TKFC: variants seen among roughly 807,000 people sequenced by gnomAD.
The protein encoded by TKFC is triokinase/FMN cyclase.
In TKFC, 46 loss-of-function variants were observed where a neutral mutation model predicts 61.0. That is an observed-to-expected ratio of 0.75 (90% CI 0.60 to 0.96). The LOEUF (loss-of-function observed/expected upper bound fraction) is 0.96. Among genes scored for constraint, TKFC ranks in the 50% least tolerant of loss-of-function variants. The pLI is 0.00. For synonymous variants in TKFC, 314 were observed against 330.1 expected (o/e 0.95, Z 0.53); for missense variants, 715 against 777.5 (o/e 0.92, Z 0.96).
chr11:61,351,925 G>A (rs1162881077), downstream of TKFC: 3 of 152,072 alleles, frequency 2.0e-5, no homozygotes, highest in Non-Finnish European at 2.9e-5. Context: ...TGGCTGGGGG[G>A]ATAAAAGGAG....
chr11:61,338,209 G>A (rs1249640873), intron 3 of TKFC, 79 bp downstream of exon 3: 8 of 1,358,454 alleles, frequency 5.9e-6, no homozygotes, highest in African/African-American at 4.4e-5. Flanking sequence ...CTGCCATGAA[G>A]TGCAGGATGG....
Position 61,339,235 on chromosome 11 carries a change from C to T in TKFC, c.305-19C>T, listed in dbSNP as rs1856748163. 6.2e-7 allele frequency: 1 copy of T among 1,611,960 alleles called. No homozygotes were observed. The highest frequency in any genetic ancestry group is 1.3e-5 in the African/African-American group (1 of 75,040). On this transcript the variant is annotated intron_variant, in intron 4 of 17. Transcript: ENST00000394900. ...GAGGGCACAGTAAGCACACTGAGCC[C>T]TTCCGGCTGCTCCCGCAGTGGGGAC... is the stretch of plus-strand genomic sequence containing the variant.
chr11:61,344,462 CA>C (rs1857021962), intron 13 of TKFC, among the ~76,000 whole-genome samples, 189 bp downstream of exon 13: 1 of 149,336 alleles, frequency 6.7e-6, no homozygotes, highest in Non-Finnish European at 1.5e-5. Flanking sequence ...CCCCCGGGTT[CA>C]AGTGATTTTC....
rs12293590 is a variant in TKFC at position 61,345,997 on chromosome 11, G to C, written c.1575+51G>C. On this transcript the variant is annotated intron_variant, in intron 17 of 17. Coordinates refer to ENST00000394900, the MANE Select transcript of TKFC (RefSeq NM_015533.4). ...TGGGGAGACAGGCTTCTAGCCAGCAGACTCCTGTCTCCATGTGACCCTGAG... is the reference window on the plus strand; with the variant it reads ...TGGGGAGACAGGCTTCTAGCCAGCACACTCCTGTCTCCATGTGACCCTGAG... The C allele has an allele frequency of 4.6e-3, 7,263 of 1,576,306 alleles. 323 individuals are homozygous for C. In the African/African-American group the frequency reaches 0.088, roughly 19 times the overall value.
Position 61,346,760 on chromosome 11 carries a change from C to G in TKFC, c.*257C>G, listed in dbSNP as rs1857148478. 8.0e-7 allele frequency: 1 copy of G among 1,244,042 alleles called. No homozygotes were observed. The highest frequency in any genetic ancestry group is 1.0e-6 in the Non-Finnish European group (1 of 991,788). 77.1% of individuals were successfully genotyped at this position (1,244,042 alleles called of 1,614,324 possible). On this transcript the variant is annotated 3_prime_UTR_variant, in exon 18 of 18. Transcript: ENST00000394900. This position sits in a 1 kb window ranked among gnomAD's most constrained non-coding sequence, Gnocchi z 4.1. ...GGTGGAGTCCCTGGGTCATGCCCTCCCCTGCCAGCTCTGGGCTTCAGAGAT... is the reference window on the plus strand; with the variant it reads ...GGTGGAGTCCCTGGGTCATGCCCTCGCCTGCCAGCTCTGGGCTTCAGAGAT...
At chr11:61,339,486 C>G (rs750221519) in intron 5 of TKFC, 51 bp downstream of exon 5, 1 of 1,545,958 alleles carries the variant, frequency 6.5e-7, no homozygotes, top group African/African-American at 1.4e-5. Flanking sequence ...CCAGCCTTCC[C>G]TTGCCTGGCA....
chr11:61,344,859 G>A lies in TKFC; in HGVS notation c.1241-401G>A, dbSNP rs114239082. Among the ~76,000 whole-genome samples the A allele has an allele frequency of 8.4e-3, 1,286 of 152,262 alleles. 32 individuals are homozygous for A. The highest frequency in any genetic ancestry group is 0.03 in the African/African-American group (1,247 of 41,544). On this transcript the variant is annotated intron_variant, in intron 13 of 17. Transcript: ENST00000394900. ...GAGAAAAAGGTATTTGGTGCCTGCCGTGGGGCAGGCACTGCTCTCAGCTGT... is the reference window on the plus strand; with the variant it reads ...GAGAAAAAGGTATTTGGTGCCTGCCATGGGGCAGGCACTGCTCTCAGCTGT...
chr11:61,353,347 C>T, downstream of TKFC: 1 of 671,584 alleles, frequency 1.5e-6, no homozygotes, highest in South Asian at 1.9e-5. Context: ...GCTTAGCTAC[C>T]ATCCCACTCC....
chr11:61,340,675 C>G (rs10897152), intron 5 of TKFC, among the ~76,000 whole-genome samples: 1 of 144,338 alleles, frequency 6.9e-6, no homozygotes, highest in African/African-American at 2.6e-5. Flanking sequence ...CTTATGGTCT[C>G]TTCACGCCAG....
chr11:61,340,083 T>C (rs1007997668), intron 5 of TKFC, among the ~76,000 whole-genome samples: 1 of 152,142 alleles, frequency 6.6e-6, no homozygotes, highest in Non-Finnish European at 1.5e-5. Flanking sequence ...CGATCTTGGC[T>C]CACTGCAGTC....
chr11:61,337,826 C>A, intron 2 of TKFC, 115 bp from the exon 3 acceptor site: 1 of 1,001,512 alleles, frequency 1.0e-6, no homozygotes, highest in Non-Finnish European at 1.4e-6. Flanking sequence ...TCCTGTGCTC[C>A]TGGAGTTCCT....
chr11:61,334,501 G>A, intron 1 of TKFC, 119 bp from the exon 2 acceptor site: 1 of 554,890 alleles, frequency 1.8e-6, no homozygotes, highest in Non-Finnish European at 3.3e-6. Flanking sequence ...CCATGTACTA[G>A]AGTTTGGACT....
At position 61,347,172 on chromosome 11, in the gene TKFC, C is replaced by T; in HGVS notation, c.*669C>T. The T allele has an allele frequency of 2.0e-6, 2 of 985,410 alleles. No individual in the cohort carries two copies. The highest frequency in any genetic ancestry group is 2.4e-6 in the Non-Finnish European group (2 of 829,970). 61.0% of individuals were successfully genotyped at this position (985,410 alleles called of 1,614,324 possible). ...CATTGAATTAATAATTCAGTGGCTC[C>T]TCGGGAGTCGAATGGGCATTTGGGA... On this transcript the variant is annotated 3_prime_UTR_variant, in exon 18 of 18. Transcript: ENST00000394900.
intron 5 of TKFC, among the ~76,000 whole-genome samples, chr11:61,339,909 T>A (rs1393547363): frequency 6.6e-6 from 1 of 152,210 alleles, no homozygotes; most frequent in Non-Finnish European, 1.5e-5. Context: ...CTTGGGTGCC[T>A]ACAATCAATA....
chr11:61,348,998 G>A lies in TKFC; in HGVS notation c.*2495G>A, dbSNP rs373561047. ...CTGGCAATGTGAGGCTGGGGTGGAC[G>A]TTGGCCTGATGTTGCCAGGAGTAGG... On this transcript the variant is annotated 3_prime_UTR_variant, in exon 18 of 18. Coordinates refer to ENST00000394900, the MANE Select transcript of TKFC (RefSeq NM_015533.4). 2.0e-4 allele frequency: 31 copies of A among 156,768 alleles called. No individual in the cohort carries two copies. The South Asian group carries it at 5.0e-3, about 25-fold the overall frequency. The allele number at this position is 156,768 out of a possible 1,614,324, so 9.7% of individuals were successfully genotyped here.
chr11:61,341,406 C>T (rs563569383), intron 5 of TKFC, 30 bp from the exon 6 acceptor site: 13 of 1,551,314 alleles, frequency 8.4e-6, no homozygotes, highest in Middle Eastern at 1.7e-4. Context: ...TACCCTCCCC[C>T]CTGGGGCTTT....
In TKFC at chr11:61,342,714, C is replaced by T. The variant is rs751526890; in HGVS notation, c.776-41C>T. The T allele has an allele frequency of 1.2e-5, 19 of 1,612,680 alleles. No individual in the cohort carries two copies. The Middle Eastern group carries it at 4.9e-4, about 42-fold the overall frequency. ...CCCTCCTAAACCTCTGGGGAGGAGA[C>T]GCCCAGAGGGTCTCACCTGGGGTGT... On this transcript the variant is annotated intron_variant, in intron 9 of 17. Transcript: ENST00000394900.
chr11:61,353,203 T>A, downstream of TKFC: 1 of 1,517,150 alleles, frequency 6.6e-7, no homozygotes, highest in Middle Eastern at 2.4e-4. Context: ...TCCCACCCCA[T>A]CAGTGCCTCC....
At chr11:61,342,959 C>A in intron 10 of TKFC, 115 bp downstream of exon 10, 1 of 1,046,952 alleles carries the variant, frequency 9.6e-7, no homozygotes, top group Non-Finnish European at 1.4e-6. Context: ...TAAATCGTCT[C>A]TCTGCCACCT....
Sources: allele counts gnomAD v4.1 joint callset (sites outside exome capture counted in the v4.1 genomes callset), GRCh38; gene constraint gnomAD v4.1.1; non-coding constraint Gnocchi (gnomAD v3.1); transcripts MANE v1.5; gene names NCBI Gene and HGNC (gene_info 2026-07-23, HGNC 2026-07-21).